UMAD1: variants seen among roughly 807,000 people sequenced by gnomAD.
UMAD1 encodes the protein UBAP1-MVB12-associated (UMA)-domain containing protein 1.
A neutral mutation model predicts 6.1 loss-of-function variants in UMAD1; 8 were observed. The observed-to-expected ratio is 1.30, with a 90% confidence interval of 0.76 to 2.35. The LOEUF is 2.35. UMAD1 is among the 30% of genes most tolerant of loss of function. The probability of loss-of-function intolerance (pLI) is 0.00; values close to 1 mark genes in which losing one functional copy is unlikely to be tolerated. For synonymous variants in UMAD1, 56 were observed against 31.4 expected (o/e 1.78, Z -2.61); for missense variants, 130 against 78.4 (o/e 1.66, Z -2.49).
intron 1 of UMAD1, among the ~76,000 whole-genome samples, chr7:7,665,194 T>C (rs1779410674): frequency 6.6e-6 from 1 of 152,168 alleles, no homozygotes; most frequent in African/African-American, 2.4e-5. Context: ...TTGTCATGGA[T>C]AATATTACTT....
chr7:7,820,229 A>G (rs1783215629), intron 3 of UMAD1, among the ~76,000 whole-genome samples: 3 of 152,278 alleles, frequency 2.0e-5, no homozygotes, highest in South Asian at 4.1e-4. Flanking sequence ...TAGATAAATT[A>G]TAGACTAAAG....
chr7:7,801,320 A>G (rs1387310278), intron 2 of UMAD1, among the ~76,000 whole-genome samples: 2 of 152,256 alleles, frequency 1.3e-5, no homozygotes, highest in African/African-American at 2.4e-5. Context: ...TCCATATCAT[A>G]AAAGAGTTTT....
chr7:7,643,890 C>G (rs1466598746), intron 1 of UMAD1, among the ~76,000 whole-genome samples: 3 of 152,058 alleles, frequency 2.0e-5, no homozygotes, highest in Admixed American at 6.5e-5. Flanking sequence ...TTGCCTGGGT[C>G]TCTGTTTCTG....
chr7:7,671,774 G>A (rs1015251249), intron 1 of UMAD1, among the ~76,000 whole-genome samples: 2 of 150,656 alleles, frequency 1.3e-5, no homozygotes, highest in Admixed American at 6.6e-5. Flanking sequence ...ATCTCTCCTT[G>A]CTCTCTATAG....
chr7:7,764,490 T>C (rs1319682478), intron 2 of UMAD1, among the ~76,000 whole-genome samples: 4 of 152,234 alleles, frequency 2.6e-5, no homozygotes, highest in Non-Finnish European at 5.9e-5. Context: ...AAGCTGAGAC[T>C]GTGGAAGGTG....
At chr7:7,772,293 C>T (rs1782117244) in intron 2 of UMAD1, 2 of 152,168 alleles carry the variant, frequency 1.3e-5, no homozygotes, top group South Asian at 4.1e-4. Context: ...GTTTGTTGTA[C>T]TTTTTGTGAA....
At chr7:7,740,613 A>G (rs543497695) in intron 2 of UMAD1, 77 of 152,258 alleles carry the variant, frequency 5.1e-4, no homozygotes, top group African/African-American at 1.8e-3. Context: ...TCGTAACACT[A>G]TATACTCTTT....
At chr7:7,818,869 A>T (rs1159342018) in intron 3 of UMAD1, among the ~76,000 whole-genome samples, 1 of 152,136 alleles carries the variant, frequency 6.6e-6, no homozygotes, top group Non-Finnish European at 1.5e-5. Context: ...TGTTTTTTTG[A>T]GACGGAGTCT....
intron 2 of UMAD1, among the ~76,000 whole-genome samples, chr7:7,723,270 T>C (rs1210455388): frequency 6.6e-6 from 1 of 152,108 alleles, no homozygotes; most frequent in Non-Finnish European, 1.5e-5. Context: ...ATATTAAGGG[T>C]GTGGGATAAT....
At position 7,853,444 on chromosome 7, in the gene UMAD1, C is replaced by T. The variant is rs115177067; in HGVS notation, c.157-23837C>T. 1.6e-3 allele frequency among the ~76,000 whole-genome samples: 247 copies of T among 151,932 alleles called. 2 individuals carry two copies. Among genetic ancestry groups the T allele is most frequent in the African/African-American group, 5.5e-3 (229 of 41,420 alleles). On this transcript the variant is annotated intron_variant, in intron 3 of 3. Coordinates refer to ENST00000682710, the MANE Select transcript of UMAD1 (RefSeq NM_001302348.2). ...ACAATACTGTCTTCTGATACATGAG[C>T]GTGGGATTTTTTTTTTCCATTTATT...
At chr7:7,748,883 C>T (rs1333278196) in intron 2 of UMAD1, among the ~76,000 whole-genome samples, 7 of 152,078 alleles carry the variant, frequency 4.6e-5, no homozygotes, top group African/African-American at 1.7e-4. Context: ...GCAGGGTCAT[C>T]AGTAAATCTA....
At chr7:7,872,023 C>T (rs1187989238) in intron 3 of UMAD1, among the ~76,000 whole-genome samples, 1 of 151,688 alleles carries the variant, frequency 6.6e-6, no homozygotes, top group African/African-American at 2.4e-5. Context: ...CCATGCAGAC[C>T]TCCGAAAGAG....
Position 7,877,972 on chromosome 7 carries a change from C to T in UMAD1, c.*434C>T, listed in dbSNP as rs1202201220. 1 of 163,634 alleles carries T rather than the reference C, an allele frequency of 6.1e-6. No homozygotes were observed. Among genetic ancestry groups the T allele is most frequent in the African/African-American group, 2.4e-5 (1 of 41,532 alleles). The allele number at this position is 163,634 out of a possible 1,614,324, so 10.1% of individuals were successfully genotyped here. A position where few individuals can be genotyped will look rare whatever the true frequency, so the allele number is the denominator to read the frequency against. On this transcript the variant is annotated 3_prime_UTR_variant, in exon 4 of 4. Coordinates refer to ENST00000682710, the MANE Select transcript of UMAD1 (RefSeq NM_001302348.2). ...GTGTTATTCCTGCATTTTTTTCTTCCACAGTGTTTATGAATGAATTCAGAA... is the reference window on the plus strand; with the variant it reads ...GTGTTATTCCTGCATTTTTTTCTTCTACAGTGTTTATGAATGAATTCAGAA...
intron 2 of UMAD1, among the ~76,000 whole-genome samples, chr7:7,676,835 A>G (rs917212366): frequency 6.6e-6 from 1 of 152,206 alleles, no homozygotes; most frequent in Non-Finnish European, 1.5e-5. Flanking sequence ...AGATCTTGAC[A>G]GATTATTAGG....
At chr7:7,734,351 G>A (rs1781309095) in intron 2 of UMAD1, among the ~76,000 whole-genome samples, 1 of 152,000 alleles carries the variant, frequency 6.6e-6, no homozygotes, top group Non-Finnish European at 1.5e-5. Context: ...TGGTGTTGTA[G>A]CTAACCTTTA....
intron 2 of UMAD1, among the ~76,000 whole-genome samples, chr7:7,777,587 A>G: frequency 6.9e-6 from 1 of 144,276 alleles, no homozygotes; most frequent in Admixed American, 6.8e-5. Context: ...ATATATATAT[A>G]TATATATATA....
intron 1 of UMAD1, among the ~76,000 whole-genome samples, chr7:7,651,350 A>T (rs894364115): frequency 2.6e-5 from 4 of 152,128 alleles, no homozygotes; most frequent in Non-Finnish European, 1.5e-5. Flanking sequence ...TTTGGGGTTT[A>T]TAAGGGTACA....
At chr7:7,673,725 C>A (rs1779671751) in intron 2 of UMAD1, among the ~76,000 whole-genome samples, 1 of 145,652 alleles carries the variant, frequency 6.9e-6, no homozygotes. Flanking sequence ...TTTTTTTTAA[C>A]TGTGGAAAAT....
intron 1 of UMAD1, among the ~76,000 whole-genome samples, chr7:7,659,854 C>T (rs1254779802): frequency 6.6e-6 from 1 of 152,068 alleles, no homozygotes; most frequent in Non-Finnish European, 1.5e-5. Flanking sequence ...CCTGAATATC[C>T]TTGTTAATTT....
Sources: gnomAD v4.1 joint callset for allele counts (sites outside exome capture counted in the v4.1 genomes callset) on GRCh38, gnomAD v4.1.1 for gene constraint, MANE v1.5 for transcripts, NCBI Gene and HGNC (gene_info 2026-07-23, HGNC 2026-07-21) for gene names.